Variants in UPK3A observed in about 807,000 individuals in gnomAD.
UPK3A encodes the protein uroplakin 3A.
In UPK3A, 32 loss-of-function variants were observed where a neutral mutation model predicts 27.6. That is an observed-to-expected ratio of 1.16 (90% CI 0.87 to 1.55). The LOEUF is 1.55. UPK3A is among the 40% of genes most tolerant of loss of function. The probability of loss-of-function intolerance (pLI) is 0.00; values close to 1 mark genes in which losing one functional copy is unlikely to be tolerated. For missense variants in UPK3A, 370 were observed against 367.9 expected (o/e 1.01, Z -0.05); for synonymous variants, 171 against 163.9 (o/e 1.04, Z -0.33).
At chr22:45,289,231 T>C in intron 4 of UPK3A, 88 bp downstream of exon 4, 1 of 1,393,728 alleles carries the variant, frequency 7.2e-7, no homozygotes, top group Non-Finnish European at 1.0e-6. Flanking sequence ...GGCTCCTCTG[T>C]CCCTGTGAAA....
intron 5 of UPK3A, among the ~76,000 whole-genome samples, chr22:45,295,258 A>T (rs2084187254): frequency 6.6e-6 from 1 of 152,044 alleles, no homozygotes; most frequent in Non-Finnish European, 1.5e-5. Flanking sequence ...CTGCGTGGTC[A>T]TTGTTGCAGT....
chr22:45,285,390 G>C (rs2084110507), intron 1 of UPK3A, among the ~76,000 whole-genome samples: 1 of 152,188 alleles, frequency 6.6e-6, no homozygotes, highest in East Asian at 1.9e-4. Context: ...GCATGGGCAA[G>C]TTCATGGAGG....
intron 5 of UPK3A, among the ~76,000 whole-genome samples, chr22:45,293,554 G>C (rs2084176415): frequency 6.6e-6 from 1 of 152,158 alleles, no homozygotes; most frequent in Non-Finnish European, 1.5e-5. Flanking sequence ...CTGGGCTTGT[G>C]GGCAGACAGC....
rs752744610 is a variant in UPK3A at position 45,293,196 on chromosome 22, C to G, written c.587C>G (p.Thr196Arg). The G allele has an allele frequency of 6.2e-7, 1 of 1,613,896 alleles. No homozygotes were observed. Among genetic ancestry groups the G allele is most frequent in the Non-Finnish European group, 8.5e-7 (1 of 1,180,032 alleles). The change falls in exon 5 of 6, where the codon ACG (threonine) becomes AGG (arginine). Residue 196 changes from threonine to arginine, a missense_variant. By Grantham distance (71) the Thr-to-Arg change is moderately conservative (BLOSUM62 -1). Transcript: ENST00000216211. ...IRTNQLTPYS[T>R]IDTWPGRRSG... ...CCCACCACAGTCACCCCATACTCGACGATCGACACGTGGCCAGGCCGGCGG... is the reference window on the plus strand; with the variant it reads ...CCCACCACAGTCACCCCATACTCGAGGATCGACACGTGGCCAGGCCGGCGG...
chr22:45,289,990 C>T (rs1019215935), intron 4 of UPK3A, among the ~76,000 whole-genome samples: 3 of 152,190 alleles, frequency 2.0e-5, no homozygotes, highest in African/African-American at 7.2e-5. Context: ...TTGCTAAATC[C>T]TCATAGCAGC....
At chr22:45,285,353 T>G (rs1038259173) in intron 1 of UPK3A, among the ~76,000 whole-genome samples, 2 of 151,786 alleles carry the variant, frequency 1.3e-5, no homozygotes, top group African/African-American at 4.8e-5. Context: ...CGGGGGCAGA[T>G]AGAGAGATAT....
chr22:45,291,711 G>A (rs952695520), intron 4 of UPK3A, among the ~76,000 whole-genome samples: 1 of 150,304 alleles, frequency 6.7e-6, no homozygotes, highest in South Asian at 2.1e-4. Flanking sequence ...GAGTGGCAGT[G>A]TGTGTGAGTT....
In UPK3A at chr22:45,287,304, C is replaced by G; in HGVS notation, c.341C>G (p.Pro114Arg). 2 of 1,614,220 alleles carry G rather than the reference C, an allele frequency of 1.2e-6. No homozygotes were observed. The highest frequency in any genetic ancestry group is 1.7e-6 in the Non-Finnish European group (2 of 1,180,046). ...AFDLIPCSDL[P>R]SLDAIGDVSK... ...GACCTGATCCCCTGCAGTGACCTGC[C>G]CAGCCTGGATGCCATTGGGGATGTG... The change falls in exon 3 of 6, where the codon CCC (proline) becomes CGC (arginine). Residue 114 changes from proline (P) to arginine (R), a missense_variant. Pro to Arg is a moderately radical substitution (Grantham distance 103). Coordinates refer to ENST00000216211, the MANE Select transcript of UPK3A (RefSeq NM_006953.4).
intron 5 of UPK3A, among the ~76,000 whole-genome samples, chr22:45,294,552 A>G (rs900887049): frequency 1.3e-5 from 2 of 152,040 alleles, no homozygotes; most frequent in African/African-American, 4.8e-5. Context: ...TTAATGACAA[A>G]TGACTCTGAC....
intron 1 of UPK3A, among the ~76,000 whole-genome samples, chr22:45,285,566 G>A (rs932611777): frequency 1.3e-5 from 2 of 152,094 alleles, no homozygotes; most frequent in African/African-American, 2.4e-5. Flanking sequence ...TTCGTCAGGG[G>A]GCGCTGGGGG....
At chr22:45,290,209 G>A (rs3788643) in intron 4 of UPK3A, among the ~76,000 whole-genome samples, 24,998 of 152,090 alleles carry the variant, frequency 0.16, 2,103 homozygotes, top group East Asian at 0.23. Context: ...CAGGGGCCAC[G>A]CCAGGGTCTT....
rs145800555 is a variant in UPK3A, at chr22:45,295,218, T to A, written c.705-342T>A. ...AGCTGCCGCCTCCTCCAGGAAGCCT[T>A]CCTGCAGCTCCCACCTGCGCTTGTC... On this transcript the variant is annotated intron_variant, in intron 5 of 5. Transcript: ENST00000216211. 1.4e-3 allele frequency among the ~76,000 whole-genome samples: 208 copies of A among 152,144 alleles called. 4 individuals are homozygous for A. The highest frequency in any genetic ancestry group is 4.6e-3 in the African/African-American group (193 of 41,534).
chr22:45,285,931 C>T lies in UPK3A; in HGVS notation c.53-10C>T. The T allele has an allele frequency of 8.7e-6, 14 of 1,613,796 alleles. No homozygotes were observed. The highest frequency in any genetic ancestry group is 1.2e-5 in the Non-Finnish European group (14 of 1,179,982). ...CGGAGGTCAGTTCCCATCCTCACTG[C>T]CTCCTCCAGCTGTGAACCTGCAGCC... is the stretch of plus-strand genomic sequence containing the variant. On this transcript the variant is annotated splice_polypyrimidine_tract_variant and intron_variant, in intron 1 of 5. Coordinates refer to ENST00000216211, the MANE Select transcript of UPK3A (RefSeq NM_006953.4).
rs2147793350 is a variant in UPK3A, at chr22:45,287,236, A to T, written c.273A>T (p.Gln91His). ...TNTPLGSTFL[Q>H]TEGGRTGPYK... is the part of the protein sequence containing the mutation. ...CCCCACTGGGCTCAACGTTCCTACAAACAGAGGGTGGGAGGACAGGTCCCT... is the reference window on the plus strand; with the variant it reads ...CCCCACTGGGCTCAACGTTCCTACATACAGAGGGTGGGAGGACAGGTCCCT... Residue 91 changes from glutamine to histidine, a missense_variant, in exon 3 of 6, where the codon CAA becomes CAT. Transcript: ENST00000216211. 6.2e-7 allele frequency: 1 copy of T among 1,614,182 alleles called. No homozygotes were observed. Among genetic ancestry groups the T allele is most frequent in the Middle Eastern group, 1.6e-4 (1 of 6,062 alleles).
intron 5 of UPK3A, 66 bp from the exon 6 acceptor site, chr22:45,295,494 A>G (rs1254524802): frequency 5.1e-6 from 8 of 1,577,722 alleles, no homozygotes; most frequent in Non-Finnish European, 7.0e-6. Flanking sequence ...AAGGTCCCCA[A>G]GCAGCTAAAG....
At chr22:45,289,492 A>G (rs911962881) in intron 4 of UPK3A, among the ~76,000 whole-genome samples, 3 of 150,502 alleles carry the variant, frequency 2.0e-5, no homozygotes, top group Admixed American at 1.3e-4. Context: ...GCGGGAGAAT[A>G]GCGTGAACCC....
At chr22:45,290,471 CTA>C (rs1338974248) in intron 4 of UPK3A, among the ~76,000 whole-genome samples, 3 of 151,976 alleles carry the variant, frequency 2.0e-5, no homozygotes, top group African/African-American at 4.8e-5. Flanking sequence ...TGTGGTATGT[CTA>C]TGTGTGTGTG....
In UPK3A at chr22:45,286,090, G is replaced by C. The variant is rs145186308; in HGVS notation, c.202G>C (p.Asp68His). 6 of 1,614,112 alleles carry C rather than the reference G, an allele frequency of 3.7e-6. No homozygotes were observed. The African/African-American group carries it at 6.7e-5, about 18-fold the overall frequency. The part of the protein sequence containing the change: ...THEVYLYVLV[D>H]SAISRNASVQ... ...CGAGGTCTACCTGTATGTCCTGGTC[G>C]ACTCAGGTAAGGGTCCTGCTTCCCT... The change falls in exon 2 of 6, where the codon GAC (aspartate) becomes CAC (histidine). Residue 68 changes from aspartate (D) to histidine (H), a missense_variant. Transcript: ENST00000216211.
chr22:45,295,519 T>C (rs753880786), intron 5 of UPK3A, 41 bp from the exon 6 acceptor site: 1 of 1,613,666 alleles, frequency 6.2e-7, no homozygotes, highest in Non-Finnish European at 8.5e-7. Context: ...TTGGGTTTGC[T>C]CTGGTCCCCT....
Sources: allele counts gnomAD v4.1 joint callset (sites outside exome capture counted in the v4.1 genomes callset), GRCh38; gene constraint gnomAD v4.1.1; transcripts MANE v1.5; gene names NCBI Gene and HGNC (gene_info 2026-07-23, HGNC 2026-07-21).